GLI3: variants seen among roughly 807,000 people sequenced by gnomAD.
GLI3 encodes GLI family zinc finger 3, also known as transcription activator GLI3.
In GLI3, 20 loss-of-function variants were observed where a neutral mutation model predicts 100.8. That is an observed-to-expected ratio of 0.20 (90% CI 0.14 to 0.29). The LOEUF (loss-of-function observed/expected upper bound fraction) is 0.29. Ranked by LOEUF, GLI3 falls within the 10% of genes least tolerant of loss-of-function variation. The pLI, the probability that GLI3 is intolerant of heterozygous loss-of-function variation, is 1.00. For synonymous variants in GLI3, 938 were observed against 860.5 expected (o/e 1.09, Z -1.58); for missense variants, 2,040 against 2,128.5 (o/e 0.96, Z 0.82).
rs760626511 is a variant in GLI3, at chr7:42,026,453, G to T, written c.1029-41C>A. 3.5e-6 allele frequency: 5 copies of T among 1,424,352 alleles called. No homozygotes were observed. In the South Asian group the frequency reaches 4.7e-5, roughly 13 times the overall value. The allele number at this position is 1,424,352 out of a possible 1,614,324, so 88.2% of individuals were successfully genotyped here. A position where few individuals can be genotyped will look rare whatever the true frequency, so the allele number is the denominator to read the frequency against. ...AAAAAAAGACGATCATCACTTAAAC[G>T]CTGAGCTCAGACAAGTACACAAGAT... On this transcript the variant is annotated intron_variant, in intron 7 of 14. Transcript: ENST00000395925.
Position 42,237,156 on chromosome 7 carries a change from G to A in GLI3, c.-228C>T, listed in dbSNP as rs966319946. Reference sequence around the variant, plus strand: ...GGCGGCCGCGGGGCGCGCGGGGAAGGCGGGAGAGCGGCGCGGGTGAGTGGG... The same window carrying A: ...GGCGGCCGCGGGGCGCGCGGGGAAGACGGGAGAGCGGCGCGGGTGAGTGGG... On this transcript the variant is annotated 5_prime_UTR_variant, in exon 1 of 15. Coordinates refer to ENST00000395925, the MANE Select transcript of GLI3 (RefSeq NM_000168.6). 1 of 149,488 alleles carries A rather than the reference G, an allele frequency of 6.7e-6. No homozygotes were observed. The highest frequency in any genetic ancestry group is 2.4e-5 in the African/African-American group (1 of 41,086). 9.3% of individuals were successfully genotyped at this position (149,488 alleles called of 1,614,324 possible).
chr7:41,968,763 GGAAAGAAAGAAA>G (rs71006451), intron 13 of GLI3, among the ~76,000 whole-genome samples: 26 of 56,744 alleles, frequency 4.6e-4, no homozygotes, highest in African/African-American at 1.6e-3. Context: ...AAAGAAAGAA[GGAAAGAAAGAAA>G]GAAAGAAAGA....
chr7:42,049,661 C>G (rs545242754), intron 4 of GLI3, among the ~76,000 whole-genome samples: 1 of 152,346 alleles, frequency 6.6e-6, no homozygotes, highest in East Asian at 1.9e-4. Context: ...CCCCTCACAC[C>G]TGCTGCCCCA....
At chr7:41,970,217 G>T (rs1256525294) in intron 13 of GLI3, among the ~76,000 whole-genome samples, 1 of 152,144 alleles carries the variant, frequency 6.6e-6, no homozygotes, top group African/African-American at 2.4e-5. Flanking sequence ...AGACAGAAGA[G>T]ATGTTGCATT....
At chr7:42,116,573 C>T (rs904770032) in intron 3 of GLI3, among the ~76,000 whole-genome samples, 2 of 151,942 alleles carry the variant, frequency 1.3e-5, no homozygotes, top group African/African-American at 4.8e-5. Flanking sequence ...AAAATCTATC[C>T]ATTTGTTTTT....
At chr7:42,077,121 G>A (rs1389993485) in intron 3 of GLI3, among the ~76,000 whole-genome samples, 1 of 152,172 alleles carries the variant, frequency 6.6e-6, no homozygotes, top group African/African-American at 2.4e-5. Context: ...AAGAAAGAGA[G>A]GAGCAACACA....
intron 1 of GLI3, among the ~76,000 whole-genome samples, chr7:42,231,397 C>T (rs1235968718): frequency 6.6e-6 from 1 of 152,176 alleles, no homozygotes; most frequent in Non-Finnish European, 1.5e-5. Flanking sequence ...AAAATTACCC[C>T]ATGGTCCACT....
chr7:42,258,341 A>G (rs183524785), intron 1 of GLI3, among the ~76,000 whole-genome samples: 73 of 152,328 alleles, frequency 4.8e-4, no homozygotes, highest in African/African-American at 1.7e-3. Flanking sequence ...GTAATCAAGT[A>G]GGATTTTGTC....
intron 3 of GLI3, among the ~76,000 whole-genome samples, chr7:42,112,171 C>T (rs1032500433): frequency 2.6e-4 from 40 of 152,148 alleles, no homozygotes; most frequent in African/African-American, 8.0e-4. Context: ...TGGAAACCAA[C>T]GCTTTTTCTC....
intron 4 of GLI3, among the ~76,000 whole-genome samples, chr7:42,067,272 G>A (rs1211490647): frequency 2.0e-5 from 3 of 152,232 alleles, no homozygotes; most frequent in Middle Eastern, 6.8e-3. Flanking sequence ...ACGACAATGG[G>A]TGCTAGGAAT....
intron 4 of GLI3, among the ~76,000 whole-genome samples, chr7:42,050,573 A>G (rs1318034677): frequency 6.6e-6 from 1 of 152,232 alleles, no homozygotes; most frequent in Non-Finnish European, 1.5e-5. Flanking sequence ...ACAAGAAAGG[A>G]CAAGCAATCC....
rs745715121 is a variant in GLI3 at position 41,962,638 on chromosome 7, C to A, written c.*1692G>T. 6.6e-6 allele frequency: 1 copy of A among 152,112 alleles called. No homozygotes were observed. The highest frequency in any genetic ancestry group is 1.5e-5 in the Non-Finnish European group (1 of 68,036). 9.4% of individuals were successfully genotyped at this position (152,112 alleles called of 1,614,324 possible). On this transcript the variant is annotated 3_prime_UTR_variant, in exon 15 of 15. Transcript: ENST00000395925. ...CCCCAGTGGCAAATCAACCTCCATG[C>A]GGAGATTCTTGGTCCAAATGAAAGA... is the stretch of plus-strand genomic sequence containing the variant.
At chr7:42,210,345 C>CA (rs1448009266) in intron 2 of GLI3, among the ~76,000 whole-genome samples, 2 of 125,486 alleles carry the variant, frequency 1.6e-5, no homozygotes, top group Non-Finnish European at 3.3e-5. Flanking sequence ...AAAGCCCCCC[C>CA]CCCCCCCCCA....
intron 2 of GLI3, among the ~76,000 whole-genome samples, chr7:42,167,699 A>G (rs141307808): frequency 1.3e-5 from 2 of 152,304 alleles, no homozygotes; most frequent in African/African-American, 4.8e-5. Context: ...TCTCTTAACT[A>G]TCAGCCTTTC....
chr7:41,969,525 T>A (rs7782675), intron 13 of GLI3, among the ~76,000 whole-genome samples: 15,531 of 152,144 alleles, frequency 0.1, 967 homozygotes, highest in African/African-American at 0.17. Flanking sequence ...GCCAAATAAG[T>A]TATACAAATT....
chr7:42,244,939 G>A (rs924268815), intron 1 of GLI3, among the ~76,000 whole-genome samples: 1 of 152,184 alleles, frequency 6.6e-6, no homozygotes, highest in African/African-American at 2.4e-5. Flanking sequence ...CAAGGTTTTA[G>A]GAGTTTTTAG....
intron 1 of GLI3, among the ~76,000 whole-genome samples, chr7:42,228,077 C>CGCG (rs957205345): frequency 5.9e-5 from 9 of 152,152 alleles, no homozygotes; most frequent in African/African-American, 2.2e-4. Context: ...GGTCCCAGGC[C>CGCG]GCGGCGGCGG....
At position 42,262,209 on chromosome 7, in the gene GLI3, T is replaced by TTCCTTCCTTCC. The variant is rs1186292634; in HGVS notation, c.-43+1784_-43+1785insGGAAGGAAGGA. ...TTCTTTTATTTTTTTTCCTTCCTTC[T>TTCCTTCCTTCC]TTCCTTCCTTCCTTCTTTCCTTCCT... On this transcript the variant is annotated intron_variant, in intron 1 of 2. Coordinates refer to the GLI3 transcript ENST00000678978. Among the ~76,000 whole-genome samples, 804 of 110,858 alleles carry TTCCTTCCTTCC rather than the reference T, an allele frequency of 7.3e-3. 30 individuals carry two copies. The highest frequency in any genetic ancestry group is 9.3e-3 in the Non-Finnish European group (523 of 56,384). 72.7% of individuals were successfully genotyped at this position (110,858 alleles called of 152,430 possible).
At chr7:42,169,100 A>G (rs1787308589) in intron 2 of GLI3, among the ~76,000 whole-genome samples, 1 of 152,066 alleles carries the variant, frequency 6.6e-6, no homozygotes, top group South Asian at 2.1e-4. Context: ...CTACATGCAT[A>G]TTCTCTTTGG....
Sources: gnomAD v4.1 joint callset for allele counts (sites outside exome capture counted in the v4.1 genomes callset) on GRCh38, gnomAD v4.1.1 for gene constraint, MANE v1.5 for transcripts, NCBI Gene and HGNC (gene_info 2026-07-23, HGNC 2026-07-21) for gene names.